KLHL4: variants seen among roughly 807,000 people sequenced by gnomAD.
KLHL4 encodes kelch-like protein 4.
In KLHL4, 17 loss-of-function variants were observed where a neutral mutation model predicts 45.8. The observed-to-expected ratio is 0.37, with a 90% CI of 0.25 to 0.56. KLHL4 has a LOEUF of 0.56. KLHL4 is among the 20% of genes least tolerant of loss of function. The pLI is 0.79. For missense variants in KLHL4, 544 were observed against 544.9 expected, an observed-to-expected ratio of 1.00 and a Z score of 0.02; for synonymous variants, 224 against 189.9, an observed-to-expected ratio of 1.18 and a Z score of -1.47.
At chrX:87,593,351 T>A (rs1444065485) in intron 1 of KLHL4, among the ~76,000 whole-genome samples, 2 of 111,511 alleles carry the variant, frequency 1.8e-5, no homozygotes, top group East Asian at 5.6e-4. Context: ...GTCAAACAGG[T>A]TTCTTAGACT....
intron 3 of KLHL4, among the ~76,000 whole-genome samples, chrX:87,616,461 C>A (rs1365125179): frequency 9.0e-6 from 1 of 111,619 alleles, no homozygotes; most frequent in Non-Finnish European, 1.9e-5. Context: ...TTTATTTCTT[C>A]CACCTGATAC....
intron 4 of KLHL4, among the ~76,000 whole-genome samples, chrX:87,619,768 A>C (rs1430695091): frequency 9.8e-6 from 1 of 102,524 alleles, no homozygotes; most frequent in Non-Finnish European, 2.1e-5. Flanking sequence ...AATGTGCATA[A>C]AAATGTAATA....
intron 1 of KLHL4, among the ~76,000 whole-genome samples, chrX:87,527,505 C>G (rs1456208757): frequency 2.7e-5 from 3 of 111,476 alleles, no homozygotes; most frequent in Non-Finnish European, 3.8e-5. Context: ...CCCTAGGAAA[C>G]AGTTGGACCT....
chrX:87,631,909 G>T (rs1923109382), intron 6 of KLHL4, among the ~76,000 whole-genome samples: 1 of 112,350 alleles, frequency 8.9e-6, no homozygotes, highest in South Asian at 3.6e-4. Flanking sequence ...TATGTCATTT[G>T]ACACTTGTGT....
At chrX:87,586,217 G>A (rs6614700) in intron 1 of KLHL4, among the ~76,000 whole-genome samples, 26,923 of 109,780 alleles carry the variant, frequency 0.25, 2,801 homozygotes, top group East Asian at 0.5. Context: ...TGGATAGATC[G>A]TGTAGACAGA....
chrX:87,608,400 C>T (rs1922264827), intron 1 of KLHL4, among the ~76,000 whole-genome samples: 1 of 111,800 alleles, frequency 8.9e-6, no homozygotes, highest in Admixed American at 9.5e-5. Context: ...CTTCCTTTCA[C>T]TAGTTCTGCT....
intron 9 of KLHL4, among the ~76,000 whole-genome samples, chrX:87,653,913 A>G (rs1227349661): frequency 9.0e-6 from 1 of 111,168 alleles, no homozygotes; most frequent in African/African-American, 3.3e-5. Context: ...CTCACTTATA[A>G]GTGGGAGCTG....
At chrX:87,618,219 G>A (rs62608283) in intron 4 of KLHL4, 91 bp downstream of exon 4, 3 of 708,962 alleles carry the variant, frequency 4.2e-6, no homozygotes, top group African/African-American at 4.4e-5. Flanking sequence ...ATAACTTGTA[G>A]ATGACTTTCA....
chrX:87,634,569 T>C (rs1472277105), intron 8 of KLHL4, among the ~76,000 whole-genome samples: 5 of 112,035 alleles, frequency 4.5e-5, no homozygotes, highest in African/African-American at 1.6e-4. Context: ...GACAATAGGT[T>C]GGGTCAGTTG....
chrX:87,575,465 G>C (rs1346913548), intron 1 of KLHL4, among the ~76,000 whole-genome samples: 1 of 111,747 alleles, frequency 8.9e-6, no homozygotes, highest in Non-Finnish European at 1.9e-5. Context: ...CCAGTCCCTG[G>C]TGCCAAAAAG....
At chrX:87,567,754 T>C (rs963833207) in intron 1 of KLHL4, among the ~76,000 whole-genome samples, 2 of 110,391 alleles carry the variant, frequency 1.8e-5, no homozygotes, top group Non-Finnish European at 3.8e-5. Context: ...GAGCTAAACA[T>C]TGAGTACATA....
intron 9 of KLHL4, among the ~76,000 whole-genome samples, chrX:87,661,396 C>T (rs191656300): frequency 0.017 from 1,915 of 110,712 alleles, 21 homozygotes; most frequent in Non-Finnish European, 0.024. Context: ...CATTTTTATT[C>T]CCATTATTAT....
chrX:87,534,848 T>A (rs5967845), intron 1 of KLHL4, among the ~76,000 whole-genome samples: 28,881 of 110,703 alleles, frequency 0.26, 3,068 homozygotes, highest in East Asian at 0.52. Flanking sequence ...GAAAATGAGA[T>A]GAAAAATTAA....
chrX:87,624,423 T>G (rs1047754249), intron 5 of KLHL4, among the ~76,000 whole-genome samples: 1 of 112,294 alleles, frequency 8.9e-6, no homozygotes, highest in Admixed American at 9.5e-5. Flanking sequence ...CATAGCCTAG[T>G]TTTTAGACCT....
chrX:87,622,141 C>T, intron 4 of KLHL4, 70 bp from the exon 5 acceptor site: 1 of 664,881 alleles, frequency 1.5e-6, no homozygotes. Flanking sequence ...ACATGAAATT[C>T]TTTGATATGC....
In KLHL4 at chrX:87,600,238, C is replaced by G. The variant is rs142373552; in HGVS notation, c.423-13639C>G. ...GAGGTGGCTCACACCTGTAATCCCA[C>G]CACTTTGGGAGGCCGAGGTGGGCGG... On this transcript the variant is annotated intron_variant, in intron 1 of 10. Transcript: ENST00000373119. Among the ~76,000 whole-genome samples the G allele has an allele frequency of 2.3e-3, 250 of 110,869 alleles. 2 individuals are homozygous for G. Among genetic ancestry groups the G allele is most frequent in the African/African-American group, 7.0e-3 (213 of 30,502 alleles).
chrX:87,528,177 A>G (rs1430177153), intron 1 of KLHL4, among the ~76,000 whole-genome samples: 1 of 112,226 alleles, frequency 8.9e-6, no homozygotes, highest in Non-Finnish European at 1.9e-5. Context: ...TAAGTGAAAA[A>G]TTCAACAAAG....
intron 1 of KLHL4, among the ~76,000 whole-genome samples, chrX:87,542,538 T>G (rs764438348): frequency 2.1e-4 from 24 of 112,496 alleles, no homozygotes; most frequent in Non-Finnish European, 3.8e-4. Context: ...CTTTAAAATC[T>G]AATGACAGCC....
intron 5 of KLHL4, among the ~76,000 whole-genome samples, chrX:87,623,363 G>A (rs749525713): frequency 4.4e-5 from 4 of 90,733 alleles, no homozygotes; most frequent in African/African-American, 8.5e-5. Context: ...GGGCTATCTC[G>A]GCTCACGGCA....
Sources: allele counts gnomAD v4.1 joint callset (sites outside exome capture counted in the v4.1 genomes callset), GRCh38; gene constraint gnomAD v4.1.1; transcripts MANE v1.5; gene names NCBI Gene and HGNC (gene_info 2026-07-23, HGNC 2026-07-21).